The following ATP8A2 variants were observed in gnomAD, a reference collection of about 807,000 sequenced individuals.
ATP8A2 encodes phospholipid-transporting ATPase IB.
A neutral mutation model predicts 165.6 loss-of-function variants in ATP8A2; 100 were observed. The ratio of observed to expected loss-of-function variants is 0.60; its 90% CI spans 0.51 to 0.71. The LOEUF (loss-of-function observed/expected upper bound fraction) is 0.71, where lower values mean the gene tolerates loss of function less well. Among genes scored for constraint, ATP8A2 ranks in the 30% least tolerant of loss-of-function variants. The pLI, the probability that ATP8A2 is intolerant of heterozygous loss-of-function variation, is 0.00. For synonymous variants in ATP8A2, 543 were observed against 548.8 expected (o/e 0.99, Z 0.15); for missense variants, 1,227 against 1,479.5 (o/e 0.83, Z 2.80).
rs11620213 is a variant in ATP8A2 at position 25,712,612 on chromosome 13, C to A, written c.2384+13267C>A. ...TGAAACCATAAGGGACTAGATGATA[C>A]ATAAAAAGGATATCAGTGATTCCAC... On this transcript the variant is annotated intron_variant, in intron 25 of 36. Coordinates refer to ENST00000381655, the MANE Select transcript of ATP8A2 (RefSeq NM_016529.6). Among the ~76,000 whole-genome samples, 300 of 152,246 alleles carry A rather than the reference C, an allele frequency of 2.0e-3. 2 individuals are homozygous for A. Among genetic ancestry groups the A allele is most frequent in the Non-Finnish European group, 3.2e-3 (216 of 68,020 alleles).
At chr13:25,545,784 A>G (rs368268323) in intron 10 of ATP8A2, among the ~76,000 whole-genome samples, 2 of 152,104 alleles carry the variant, frequency 1.3e-5, no homozygotes, top group East Asian at 1.9e-4. Flanking sequence ...GTAGGCACAC[A>G]CCACCATGCC....
intron 25 of ATP8A2, among the ~76,000 whole-genome samples, chr13:25,709,733 G>A (rs1324060686): frequency 2.0e-5 from 3 of 152,096 alleles, no homozygotes; most frequent in Non-Finnish European, 4.4e-5. Context: ...AATGTTGAAT[G>A]ATATTAGTTT....
chr13:25,382,026 G>A (rs1436101734), intron 1 of ATP8A2, among the ~76,000 whole-genome samples: 1 of 152,184 alleles, frequency 6.6e-6, no homozygotes, highest in Non-Finnish European at 1.5e-5. Flanking sequence ...ATCCCCCAAT[G>A]TGGTATCATA....
intron 1 of ATP8A2, among the ~76,000 whole-genome samples, chr13:25,465,940 A>C (rs2035656742): frequency 6.6e-6 from 1 of 151,346 alleles, no homozygotes; most frequent in Non-Finnish European, 1.5e-5. Flanking sequence ...TTTTCTTTTC[A>C]GATGTTTCTT....
intron 24 of ATP8A2, among the ~76,000 whole-genome samples, chr13:25,610,454 A>G (rs191600572): frequency 7.8e-4 from 119 of 152,086 alleles, no homozygotes; most frequent in Non-Finnish European, 1.5e-3. Flanking sequence ...TGGGTTCTGT[A>G]TTCTGTTTCA....
chr13:25,579,488 C>T (rs575511028), intron 21 of ATP8A2, among the ~76,000 whole-genome samples: 2 of 152,260 alleles, frequency 1.3e-5, no homozygotes, highest in East Asian at 3.9e-4. Flanking sequence ...TCTTGAAACA[C>T]ACTTCCCACC....
chr13:25,994,435 T>A (rs896205905), intron 35 of ATP8A2, among the ~76,000 whole-genome samples: 1 of 152,160 alleles, frequency 6.6e-6, no homozygotes, highest in Non-Finnish European at 1.5e-5. Context: ...GTGAAAATGG[T>A]CATCCTTGCC....
At chr13:25,755,448 G>T (rs1318421962) in intron 25 of ATP8A2, among the ~76,000 whole-genome samples, 1 of 152,190 alleles carries the variant, frequency 6.6e-6, no homozygotes, top group African/African-American at 2.4e-5. Flanking sequence ...GGCAAAATTG[G>T]CAGTAGCCAT....
chr13:25,776,661 G>A (rs1000164777), intron 27 of ATP8A2, among the ~76,000 whole-genome samples: 1 of 152,034 alleles, frequency 6.6e-6, no homozygotes, highest in Non-Finnish European at 1.5e-5. Context: ...TCTGTGGTAG[G>A]AGTCACTCCT....
At chr13:25,462,647 C>T (rs1017276021) in intron 1 of ATP8A2, among the ~76,000 whole-genome samples, 9 of 152,164 alleles carry the variant, frequency 5.9e-5, no homozygotes, top group African/African-American at 2.2e-4. Flanking sequence ...CCTCCATCCC[C>T]CTTTCCCCTT....
intron 25 of ATP8A2, among the ~76,000 whole-genome samples, chr13:25,735,416 C>T (rs75571400): frequency 0.019 from 2,959 of 152,096 alleles, 110 homozygotes; most frequent in African/African-American, 0.068. Context: ...AGCACCACCA[C>T]GCCTGGCTAA....
intron 25 of ATP8A2, among the ~76,000 whole-genome samples, chr13:25,733,335 T>G (rs562640063): frequency 3.9e-5 from 6 of 152,150 alleles, no homozygotes; most frequent in South Asian, 4.2e-4. Context: ...GTGAAGGAAA[T>G]AGAAACCGCT....
intron 25 of ATP8A2, among the ~76,000 whole-genome samples, chr13:25,746,422 G>A (rs541582626): frequency 6.6e-6 from 1 of 152,326 alleles, no homozygotes; most frequent in South Asian, 2.1e-4. Flanking sequence ...ATAAAGTTCT[G>A]CAGAATGAAG....
rs993178044 is a variant in ATP8A2 at position 25,786,756 on chromosome 13, T to A, written c.2679+11797T>A. On this transcript the variant is annotated intron_variant, in intron 27 of 36. Transcript: ENST00000381655. ...CCCTTTTTAATGCACAATTCTATGT[T>A]TTTTTTTTTTTTTTTTTGAGACAGA... Among the ~76,000 whole-genome samples, 1,403 of 147,658 alleles carry A rather than the reference T, an allele frequency of 9.5e-3. 54 individuals are homozygous for A. Among genetic ancestry groups the A allele is most frequent in the African/African-American group, 0.023 (937 of 40,598 alleles).
chr13:25,902,203 T>G (rs1953773944), intron 33 of ATP8A2, among the ~76,000 whole-genome samples: 2 of 152,218 alleles, frequency 1.3e-5, no homozygotes, highest in South Asian at 4.1e-4. Context: ...CCTCTGCATT[T>G]CAAAAAGCAA....
In ATP8A2 at chr13:26,020,306, C is replaced by A; in HGVS notation, c.*321C>A. On this transcript the variant is annotated 3_prime_UTR_variant, in exon 37 of 37. Coordinates refer to ENST00000381655, the MANE Select transcript of ATP8A2 (RefSeq NM_016529.6). ...TTTCACCAATATTTAAACATCAGTA[C>A]TAGTTGTCCTGGGAGAAAGGGAAAG... 1 of 293,112 alleles carries A rather than the reference C, an allele frequency of 3.4e-6. No homozygotes were observed. The highest frequency in any genetic ancestry group is 6.4e-6 in the Non-Finnish European group (1 of 157,188). 18.2% of individuals were successfully genotyped at this position (293,112 alleles called of 1,614,324 possible). A position where few individuals can be genotyped will look rare whatever the true frequency, so the allele number is the denominator to read the frequency against.
intron 2 of ATP8A2, among the ~76,000 whole-genome samples, chr13:25,474,979 C>G (rs910622814): frequency 6.6e-6 from 1 of 152,032 alleles, no homozygotes; most frequent in East Asian, 1.9e-4. Context: ...GCCACCATGC[C>G]TGGCTAATTT....
intron 1 of ATP8A2, among the ~76,000 whole-genome samples, chr13:25,408,267 C>T (rs2033865858): frequency 6.6e-6 from 1 of 152,088 alleles, no homozygotes; most frequent in Non-Finnish European, 1.5e-5. Context: ...GTGGCTCCCG[C>T]CTGTAGTCCT....
chr13:25,924,289 C>T (rs939894495), intron 33 of ATP8A2, among the ~76,000 whole-genome samples: 1 of 152,194 alleles, frequency 6.6e-6, no homozygotes, highest in African/African-American at 2.4e-5. Context: ...GAAATGATTG[C>T]CTTGCATTTC....
Sources: gnomAD v4.1 joint callset for allele counts (sites outside exome capture counted in the v4.1 genomes callset) on GRCh38, gnomAD v4.1.1 for gene constraint, MANE v1.5 for transcripts, NCBI Gene and HGNC (gene_info 2026-07-23, HGNC 2026-07-21) for gene names.